PROX1: variants seen among roughly 807,000 people sequenced by gnomAD.
PROX1 encodes prospero homeobox 1.
A neutral mutation model predicts 58.8 loss-of-function variants in PROX1; 7 were observed. The ratio of observed to expected loss-of-function variants is 0.12; its 90% confidence interval spans 0.07 to 0.22. The LOEUF is 0.22. Among genes scored for constraint, PROX1 ranks in the 10% least tolerant of loss-of-function variants. PROX1 has a pLI of 1.00. For synonymous variants in PROX1, 350 were observed against 358.3 expected (o/e 0.98, Z 0.26); for missense variants, 675 against 927.8 (o/e 0.73, Z 3.54).
upstream of PROX1, chr1:213,986,177 T>C (rs1056154958): frequency 1.3e-5 from 2 of 151,758 alleles, no homozygotes; most frequent in Non-Finnish European, 2.9e-5. Context: ...GAACACCTGA[T>C]ACAACAGTCA....
intron 3 of PROX1, among the ~76,000 whole-genome samples, chr1:214,009,590 T>C (rs770203309): frequency 2.0e-5 from 3 of 152,194 alleles, no homozygotes; most frequent in Non-Finnish European, 2.9e-5. Flanking sequence ...GGGGAGTCTG[T>C]TGTTTTTGTC....
intron 3 of PROX1, among the ~76,000 whole-genome samples, chr1:214,008,590 T>C (rs924989765): frequency 2.0e-5 from 3 of 152,154 alleles, no homozygotes; most frequent in African/African-American, 7.2e-5. Context: ...GCCCACTCCT[T>C]TGTATTTCTC....
In PROX1 at chr1:214,039,057, T is replaced by C. The variant is rs1211685718; in HGVS notation, c.*3223T>C. 1 of 152,204 alleles carries C rather than the reference T, an allele frequency of 6.6e-6. No homozygotes were observed. Among genetic ancestry groups the C allele is most frequent in the African/African-American group, 2.4e-5 (1 of 41,454 alleles). The allele number at this position is 152,204 out of a possible 1,614,324, so 9.4% of individuals were successfully genotyped here. ...CATGTGCTATATATGTGTGCGCAGA[T>C]GTGTGAACATAAAATCACATACACA... On this transcript the variant is annotated 3_prime_UTR_variant, in exon 5 of 5. Coordinates refer to ENST00000366958, the MANE Select transcript of PROX1 (RefSeq NM_001270616.2).
chr1:213,986,409 G>T (rs1178435367), upstream of PROX1: 2 of 152,016 alleles, frequency 1.3e-5, no homozygotes, highest in Non-Finnish European at 2.9e-5. Flanking sequence ...GGATAGACTC[G>T]GACATACTAA....
Position 213,997,618 on chromosome 1 carries a change from G to A in PROX1, c.1083G>A (p.Ser361=). 2 of 1,614,140 alleles carry A rather than the reference G, an allele frequency of 1.2e-6. No individual in the cohort carries two copies. Among genetic ancestry groups the A allele is most frequent in the South Asian group, 2.2e-5 (2 of 91,076 alleles). Residue 361 remains serine (S), a synonymous_variant, in exon 2 of 5, where the codon TCG becomes TCA. Transcript: ENST00000366958. The surrounding 1 kb of genome is among the most constrained non-coding windows in gnomAD (Gnocchi z 7.1). ...TLKQELNTAM[S]QVVDTVVKVF... ...AACAGGAACTGAACACTGCCATGTC[G>A]CAAGTTGTGGACACTGTGGTCAAAG...
rs539150873 is a variant in PROX1 at position 213,990,575 on chromosome 1, T to C, written c.-68+2092T>C. 4.7e-3 allele frequency among the ~76,000 whole-genome samples: 719 copies of C among 152,032 alleles called. 5 individuals carry two copies. Among genetic ancestry groups the C allele is most frequent in the African/African-American group, 0.016 (673 of 41,448 alleles). ...CTTTAGGCAGCAGGTGGAGGGAGAC[T>C]GACTTTTCCTTTGCTTCCTACCAGT... On this transcript the variant is annotated intron_variant, in intron 1 of 4. Transcript: ENST00000366958.
intron 4 of PROX1, among the ~76,000 whole-genome samples, chr1:214,027,696 TTATC>T (rs1401633084): frequency 6.6e-6 from 1 of 152,146 alleles, no homozygotes; most frequent in Non-Finnish European, 1.5e-5. Context: ...GAAACTGTCT[TTATC>T]TAGCCGAGAA....
intron 2 of PROX1, among the ~76,000 whole-genome samples, chr1:213,998,754 T>C (rs1405295821): frequency 6.6e-6 from 1 of 152,224 alleles, no homozygotes; most frequent in African/African-American, 2.4e-5. Context: ...GCAAGGCTTC[T>C]GGTCCGTTTA....
chr1:214,038,984 G>C lies in PROX1; in HGVS notation c.*3150G>C, dbSNP rs914200526. On this transcript the variant is annotated 3_prime_UTR_variant, in exon 5 of 5. Transcript: ENST00000366958. ...TTTTTGTAACTGTGGTGCAAATCTTGTGTTTTCTTAGCCTAATGAAAAGTA... is the reference window on the plus strand; with the variant it reads ...TTTTTGTAACTGTGGTGCAAATCTTCTGTTTTCTTAGCCTAATGAAAAGTA... 1.3e-5 allele frequency: 2 copies of C among 152,094 alleles called. No individual in the cohort carries two copies. Among genetic ancestry groups the C allele is most frequent in the African/African-American group, 4.8e-5 (2 of 41,410 alleles). 9.4% of individuals were successfully genotyped at this position (152,094 alleles called of 1,614,324 possible). A position where few individuals can be genotyped will look rare whatever the true frequency, so the allele number is the denominator to read the frequency against.
At chr1:214,002,227 C>T (rs958369966) in intron 2 of PROX1, among the ~76,000 whole-genome samples, 4 of 152,112 alleles carry the variant, frequency 2.6e-5, no homozygotes, top group African/African-American at 7.2e-5. Flanking sequence ...CTGCTCCTCC[C>T]GTGGCTGCTG....
Position 214,011,629 on chromosome 1 carries a change from A to G in PROX1, c.1942A>G (p.Thr648Ala). 6.2e-7 allele frequency: 1 copy of G among 1,614,166 alleles called. No homozygotes were observed. Among genetic ancestry groups the G allele is most frequent in the East Asian group, 2.2e-5 (1 of 44,884 alleles). Residue 648 changes from threonine (T) to alanine (A), a missense_variant, in exon 4 of 5, where the codon ACC (threonine) becomes GCC (alanine). This residue lies in a region of PROX1 where 50 missense variants were observed against 79.3 expected (regional missense o/e 0.63). Coordinates refer to ENST00000366958, the MANE Select transcript of PROX1 (RefSeq NM_001270616.2). Reference protein sequence around the residue: ...YARQAINDGVTSTEELSITRD... With the variant: ...YARQAINDGVASTEELSITRD... ...ACGTCAAGCCATCAACGATGGGGTCACCAGTACTGAAGAGCTGTCTATAAC... is the reference window on the plus strand; with the variant it reads ...ACGTCAAGCCATCAACGATGGGGTCGCCAGTACTGAAGAGCTGTCTATAAC...
In PROX1 at chr1:214,038,713, C is replaced by T. The variant is rs999970897; in HGVS notation, c.*2879C>T. The T allele has an allele frequency of 1.1e-4, 16 of 152,294 alleles. No homozygotes were observed. Among genetic ancestry groups the T allele is most frequent in the African/African-American group, 3.8e-4 (16 of 41,560 alleles). 9.4% of individuals were successfully genotyped at this position (152,294 alleles called of 1,614,324 possible). ...ACAAGTACAATTGTTCTTGTGCCTT[C>T]TGTGGCTTTCGATTTCATCTTTTTG... On this transcript the variant is annotated 3_prime_UTR_variant, in exon 5 of 5. Coordinates refer to ENST00000366958, the MANE Select transcript of PROX1 (RefSeq NM_001270616.2).
rs534106921 is a variant in PROX1, at chr1:214,004,918, A to G, written c.1726-247A>G. ...AAATATTTTGCCATCCTCACCCTAA[A>G]GTAGCCAAGATTCTGCAACTCAATT... On this transcript the variant is annotated intron_variant, in intron 2 of 4. Coordinates refer to ENST00000366958, the MANE Select transcript of PROX1 (RefSeq NM_001270616.2). Among the ~76,000 whole-genome samples, 10 of 152,370 alleles carry G rather than the reference A, an allele frequency of 6.6e-5. No homozygotes were observed. In the South Asian group the frequency reaches 2.1e-3, roughly 32 times the overall value.
At chr1:214,017,135 G>A (rs771764401) in intron 4 of PROX1, among the ~76,000 whole-genome samples, 28 of 151,976 alleles carry the variant, frequency 1.8e-4, no homozygotes, top group Non-Finnish European at 2.9e-5. Flanking sequence ...GCAGTGTCTT[G>A]GCACATATCA....
rs1664890012 is a variant in PROX1, at chr1:214,038,135, C to G, written c.*2301C>G. On this transcript the variant is annotated 3_prime_UTR_variant, in exon 5 of 5. Transcript: ENST00000366958. ...TTCTAATTTAAATAGACAAATTAAG[C>G]AAAAGTGTGTGTTCACAACCAAATG... 6.6e-6 allele frequency: 1 copy of G among 152,104 alleles called. No individual in the cohort carries two copies. 9.4% of individuals were successfully genotyped at this position (152,104 alleles called of 1,614,324 possible).
chr1:214,003,436 C>T (rs7541039), intron 2 of PROX1, among the ~76,000 whole-genome samples: 41,535 of 151,928 alleles, frequency 0.27, 5,853 homozygotes, highest in Admixed American at 0.39. Context: ...TGCTGGGCTC[C>T]TTTAGTCTTC....
chr1:214,033,424 C>T (rs908520793), intron 4 of PROX1, among the ~76,000 whole-genome samples: 23 of 152,172 alleles, frequency 1.5e-4, no homozygotes, highest in African/African-American at 5.3e-4. Context: ...ATGGTGAAAC[C>T]CCATCTCTAC....
At chr1:214,025,782 C>T (rs900144012) in intron 4 of PROX1, among the ~76,000 whole-genome samples, 1 of 152,062 alleles carries the variant, frequency 6.6e-6, no homozygotes, top group Non-Finnish European at 1.5e-5. Flanking sequence ...CTGCCTCAGC[C>T]TCCTGAATAG....
At chr1:214,033,550 A>G (rs1033121670) in intron 4 of PROX1, among the ~76,000 whole-genome samples, 33 of 152,224 alleles carry the variant, frequency 2.2e-4, no homozygotes, top group African/African-American at 8.0e-4. Context: ...GTGAGCCAGG[A>G]TCATGCCACT....
Sources: allele counts gnomAD v4.1 joint callset (sites outside exome capture counted in the v4.1 genomes callset), GRCh38; gene constraint gnomAD v4.1.1; regional missense constraint gnomAD v4.1.1; non-coding constraint Gnocchi (gnomAD v3.1); transcripts MANE v1.5; gene names NCBI Gene and HGNC (gene_info 2026-07-23, HGNC 2026-07-21).